Variants in HIPK2 observed in about 807,000 individuals in gnomAD.
HIPK2 encodes homeodomain-interacting protein kinase 2.
Under a neutral mutation model 113.7 loss-of-function variants are expected in HIPK2, and 27 were observed. The observed-to-expected ratio is 0.24, with a 90% CI of 0.17 to 0.33. The LOEUF (loss-of-function observed/expected upper bound fraction) is 0.33, where lower values mean the gene tolerates loss of function less well. Among genes scored for constraint, HIPK2 ranks in the 10% least tolerant of loss-of-function variants. HIPK2 has a pLI of 1.00. For synonymous variants in HIPK2, 631 were observed against 642.2 expected (o/e 0.98, Z 0.26); for missense variants, 1,257 against 1,588.0 (o/e 0.79, Z 3.54).
Position 139,573,466 on chromosome 7 carries a change from G to A in HIPK2, c.3127-69C>T, listed in dbSNP as rs1798381057. On this transcript the variant is annotated intron_variant, in intron 14 of 14. Transcript: ENST00000406875. ...TGGGGAGGAAGGAATGGGAGGAGGG[G>A]CAGGAGGGCAGGGAGGAGGAAGAGA... is the stretch of plus-strand genomic sequence containing the variant. 11 of 1,395,576 alleles carry A rather than the reference G, an allele frequency of 7.9e-6. No homozygotes were observed. The Admixed American group carries it at 1.4e-4, about 18-fold the overall frequency. The allele number at this position is 1,395,576 out of a possible 1,614,324, so 86.4% of individuals were successfully genotyped here.
rs987726084 is a variant in HIPK2, at chr7:139,698,390, G to A, written c.1103+17542C>T. On this transcript the variant is annotated intron_variant, in intron 2 of 14. Coordinates refer to ENST00000406875, the MANE Select transcript of HIPK2 (RefSeq NM_022740.5). Reference sequence around the variant, plus strand: ...ACATTTGGGCTGCTTCCACCATTTGGCTGTTGTAAACAGTGTTGCTATGAA... The same window carrying A: ...ACATTTGGGCTGCTTCCACCATTTGACTGTTGTAAACAGTGTTGCTATGAA... 7.6e-4 allele frequency among the ~76,000 whole-genome samples: 116 copies of A among 152,216 alleles called. 3 individuals carry two copies. The East Asian group carries it at 0.021, about 27-fold the overall frequency.
rs928014237 is a variant in HIPK2, at chr7:139,570,004, G to T, written c.*2923C>A. On this transcript the variant is annotated 3_prime_UTR_variant, in exon 15 of 15. Transcript: ENST00000406875. Reference sequence around the variant, plus strand: ...AGAATAAAAGGAAAGAAAATGTCAGGTGAAAGAGTAAGTAGCCTCCAACTT... The same window carrying T: ...AGAATAAAAGGAAAGAAAATGTCAGTTGAAAGAGTAAGTAGCCTCCAACTT... 1.3e-5 allele frequency: 2 copies of T among 152,166 alleles called. No homozygotes were observed. The highest frequency in any genetic ancestry group is 4.8e-5 in the African/African-American group (2 of 41,430). 9.4% of individuals were successfully genotyped at this position (152,166 alleles called of 1,614,324 possible).
intron 2 of HIPK2, among the ~76,000 whole-genome samples, chr7:139,677,525 G>A (rs1404199291): frequency 6.6e-6 from 1 of 152,166 alleles, no homozygotes; most frequent in Non-Finnish European, 1.5e-5. Flanking sequence ...GCGGAAGGCA[G>A]AAGGTCAAGA....
At chr7:139,658,639 T>C (rs1276538963) in intron 2 of HIPK2, among the ~76,000 whole-genome samples, 1 of 152,128 alleles carries the variant, frequency 6.6e-6, no homozygotes, top group East Asian at 1.9e-4. Context: ...ACAACCTAGG[T>C]AGGAAGAGGA....
At chr7:139,671,057 G>A (rs777837057) in intron 2 of HIPK2, among the ~76,000 whole-genome samples, 1 of 151,864 alleles carries the variant, frequency 6.6e-6, no homozygotes, top group South Asian at 2.1e-4. Context: ...CACCGCACCC[G>A]GCCCAAAATA....
chr7:139,771,534 A>G (rs1796649652), intron 1 of HIPK2, among the ~76,000 whole-genome samples: 1 of 152,184 alleles, frequency 6.6e-6, no homozygotes, highest in South Asian at 2.1e-4. Context: ...TAAAAGGAAC[A>G]GTCAATTCCA....
In HIPK2 at chr7:139,627,298, C is replaced by CTATGTATGTATGTATG. The variant is rs34240424; in HGVS notation, c.1435-529_1435-514dup. On this transcript the variant is annotated intron_variant, in intron 5 of 14. Transcript: ENST00000406875. ...CAGTACAAATAAGATACAAAAAAGT[C>CTATGTATGTATGTATG]TATGTATGTATGTATGTATGTATGT... Among the ~76,000 whole-genome samples the CTATGTATGTATGTATG allele has an allele frequency of 1.1e-3, 157 of 148,560 alleles. 2 individuals are homozygous for CTATGTATGTATGTATG. Among genetic ancestry groups the CTATGTATGTATGTATG allele is most frequent in the South Asian group, 2.4e-3 (11 of 4,648 alleles).
At position 139,674,094 on chromosome 7, in the gene HIPK2, T is replaced by A. The variant is rs555128227; in HGVS notation, c.1103+41838A>T. 9.7e-4 allele frequency among the ~76,000 whole-genome samples: 147 copies of A among 151,652 alleles called. 1 individual carries two copies. Among genetic ancestry groups the A allele is most frequent in the African/African-American group, 3.4e-3 (140 of 41,372 alleles). The stretch of plus-strand genomic sequence containing the variant: ...AAAAAAAAAGAAAAATTTGCTGACT[T>A]TTGGCTGGAGATTTTAATTACAAAT... On this transcript the variant is annotated intron_variant, in intron 2 of 14. Transcript: ENST00000406875.
intron 1 of HIPK2, among the ~76,000 whole-genome samples, chr7:139,745,553 G>C (rs904708559): frequency 9.2e-5 from 14 of 152,188 alleles, no homozygotes; most frequent in Non-Finnish European, 1.6e-4. Context: ...TGTCTCCAGG[G>C]AATGTCCTGT....
chr7:139,604,185 G>A lies in HIPK2; in HGVS notation c.2151C>T (p.Pro717=), dbSNP rs1367688644. Reference sequence around the variant, plus strand: ...CTCCAGTCAGTTGCTGCCATGCTGGGGGAAGCAGGATCTGCTGGGTCCCAC... The same window carrying A: ...CTCCAGTCAGTTGCTGCCATGCTGGAGGAAGCAGGATCTGCTGGGTCCCAC... ...WPSGTQQILL[P]PAWQQLTGVA... Residue 717 remains proline, a synonymous_variant, in exon 10 of 15, where the codon CCC becomes CCT. Coordinates refer to ENST00000406875, the MANE Select transcript of HIPK2 (RefSeq NM_022740.5). 1.2e-6 allele frequency: 2 copies of A among 1,613,760 alleles called. No homozygotes were observed. The highest frequency in any genetic ancestry group is 8.5e-7 in the Non-Finnish European group (1 of 1,179,750).
chr7:139,746,302 A>C (rs925640282), intron 1 of HIPK2, among the ~76,000 whole-genome samples: 1 of 152,064 alleles, frequency 6.6e-6, no homozygotes, highest in Non-Finnish European at 1.5e-5. Flanking sequence ...CACCTTTCCA[A>C]ATCAAGACCA....
intron 13 of HIPK2, among the ~76,000 whole-genome samples, chr7:139,576,635 CG>C (rs879905959): frequency 1.3e-5 from 2 of 152,152 alleles, no homozygotes; most frequent in Admixed American, 6.5e-5. Flanking sequence ...CCACCAGGGA[CG>C]GGGGTGGCAG....
Position 139,573,362 on chromosome 7 carries a change from G to T in HIPK2, c.3162C>A (p.Ser1054Arg). The change falls in exon 15 of 15, where the codon AGC becomes AGA. Residue 1054 changes from serine (S) to arginine (R), a missense_variant. Around this residue, in one of 5 missense-constraint regions of HIPK2, gnomAD observed 862 missense variants for 1,004.3 expected, o/e 0.86. Coordinates refer to ENST00000406875, the MANE Select transcript of HIPK2 (RefSeq NM_022740.5). ...TGATGTAGGCCTGCTGCCTTCGGTGGCTCCCAGTGCGGTCCGTGGTGATGT... is the reference window on the plus strand; with the variant it reads ...TGATGTAGGCCTGCTGCCTTCGGTGTCTCCCAGTGCGGTCCGTGGTGATGT... ...QQHITTDRTG[S>R]HRRQQAYITP... 6.2e-7 allele frequency: 1 copy of T among 1,604,904 alleles called. No individual in the cohort carries two copies. Among genetic ancestry groups the T allele is most frequent in the South Asian group, 1.1e-5 (1 of 91,042 alleles).
At chr7:139,634,729 G>C (rs1348605372) in intron 2 of HIPK2, among the ~76,000 whole-genome samples, 1 of 137,510 alleles carries the variant, frequency 7.3e-6, no homozygotes, top group African/African-American at 2.9e-5. Context: ...CCAGCCTGGA[G>C]TGCAGTGGCA....
intron 2 of HIPK2, among the ~76,000 whole-genome samples, chr7:139,651,273 A>C (rs544626333): frequency 3.3e-5 from 5 of 152,344 alleles, no homozygotes; most frequent in Admixed American, 2.0e-4. Context: ...AATGCAGGCA[A>C]GACTGAACGG....
At chr7:139,722,066 T>C (rs761977329) in intron 1 of HIPK2, 9 of 474,246 alleles carry the variant, frequency 1.9e-5, no homozygotes, top group East Asian at 6.1e-5. Context: ...ATCTCAGATA[T>C]GCATGGGGTT....
chr7:139,591,451 T>G (rs893921285), intron 12 of HIPK2, among the ~76,000 whole-genome samples: 1 of 152,194 alleles, frequency 6.6e-6, no homozygotes, highest in Admixed American at 6.5e-5. Flanking sequence ...TGAGCACCGC[T>G]CTGCCCTATG....
chr7:139,658,350 T>G (rs1367264944), intron 2 of HIPK2, among the ~76,000 whole-genome samples: 1 of 151,982 alleles, frequency 6.6e-6, no homozygotes, highest in African/African-American at 2.4e-5. Context: ...AACAGAGTGT[T>G]GACATATTTG....
chr7:139,683,717 G>A lies in HIPK2; in HGVS notation c.1103+32215C>T, dbSNP rs568027066. Among the ~76,000 whole-genome samples the A allele has an allele frequency of 1.3e-5, 2 of 152,250 alleles. No homozygotes were observed. Among genetic ancestry groups the A allele is most frequent in the East Asian group, 3.9e-4 (2 of 5,186 alleles). ...TCATACCATTGGCAGGCAATGGCAT[G>A]TCATACAGCTTCATGAGGGTTGGCT... On this transcript the variant is annotated intron_variant, in intron 2 of 14. Coordinates refer to ENST00000406875, the MANE Select transcript of HIPK2 (RefSeq NM_022740.5). The surrounding 1 kb of genome is among the most constrained non-coding windows in gnomAD (Gnocchi z 4.2).
Sources: allele counts gnomAD v4.1 joint callset (sites outside exome capture counted in the v4.1 genomes callset), GRCh38; gene constraint gnomAD v4.1.1; regional missense constraint gnomAD v4.1.1; non-coding constraint Gnocchi (gnomAD v3.1); transcripts MANE v1.5; gene names NCBI Gene and HGNC (gene_info 2026-07-23, HGNC 2026-07-21).